Variants in RMI1 observed in about 807,000 individuals in gnomAD.
RMI1 encodes the protein RecQ mediated genome instability 1, also known as recQ-mediated genome instability protein 1.
Under a neutral mutation model 46.7 loss-of-function variants are expected in RMI1, and 36 were observed. That is an observed-to-expected ratio of 0.77 (90% CI 0.59 to 1.02). The LOEUF is 1.02. Ranked by LOEUF, RMI1 falls within the 50% of genes least tolerant of loss-of-function variation. The pLI, the probability that RMI1 is intolerant of heterozygous loss-of-function variation, is 0.00. For missense variants in RMI1, 676 were observed against 713.7 expected (o/e 0.95, Z 0.60); for synonymous variants, 250 against 252.9 (o/e 0.99, Z 0.11).
chr9:83,997,112 T>TC, intron 1 of RMI1, among the ~76,000 whole-genome samples: 1 of 141,506 alleles, frequency 7.1e-6, no homozygotes, highest in Non-Finnish European at 1.5e-5. Flanking sequence ...CCCCCCCTTT[T>TC]TTTTTTTTTT....
chr9:83,991,538 G>A (rs570256232), intron 1 of RMI1, among the ~76,000 whole-genome samples: 41 of 152,002 alleles, frequency 2.7e-4, no homozygotes, highest in Non-Finnish European at 5.3e-4. Context: ...GGTTGCTCCT[G>A]AACTTTTGTC....
At chr9:83,990,383 G>A (rs1443868277) in intron 1 of RMI1, among the ~76,000 whole-genome samples, 1 of 152,090 alleles carries the variant, frequency 6.6e-6, no homozygotes, top group Non-Finnish European at 1.5e-5. Flanking sequence ...GTGGTGGTAC[G>A]TGACTAGTCC....
rs1194429899 is a variant in RMI1, at chr9:84,002,585, G to C, written c.1599G>C (p.Lys533Asn). Residue 533 changes from lysine (K) to asparagine (N), a missense_variant, in exon 3 of 3, where the codon AAG (lysine) becomes AAC (asparagine). Lys to Asn is a moderately conservative substitution (Grantham distance 94). Coordinates refer to ENST00000445877, the MANE Select transcript of RMI1 (RefSeq NM_001358291.2). Reference protein sequence around the residue: ...SSGGIWSITAKVSDGTAYLDV... With the variant: ...SSGGIWSITANVSDGTAYLDV... Reference sequence around the variant, plus strand: ...GTGGTATTTGGAGTATAACTGCAAAGGTGTCTGATGGTACTGCATATCTAG... The same window carrying C: ...GTGGTATTTGGAGTATAACTGCAAACGTGTCTGATGGTACTGCATATCTAG... The C allele has an allele frequency of 6.2e-7, 1 of 1,613,932 alleles. No individual in the cohort carries two copies.
At position 84,002,687 on chromosome 9, in the gene RMI1, T is replaced by A; in HGVS notation, c.1701T>A (p.Asp567Glu). Residue 567 changes from aspartate to glutamate, a missense_variant, in exon 3 of 3, where the codon GAT (aspartate) becomes GAA (glutamate). Asp to Glu is a conservative substitution (Grantham distance 45). Coordinates refer to ENST00000445877, the MANE Select transcript of RMI1 (RefSeq NM_001358291.2). ...CAGAAATGAAACAGTCAAAAAAGGA[T>A]CCTCTTCAATACCAAAAGTTCCTGG... is the stretch of plus-strand genomic sequence containing the variant. The part of the protein sequence containing the change: ...SVPEMKQSKK[D>E]PLQYQKFLEG... 6.2e-7 allele frequency: 1 copy of A among 1,613,880 alleles called. No individual in the cohort carries two copies. The highest frequency in any genetic ancestry group is 1.3e-5 in the African/African-American group (1 of 75,014).
rs758329182 is a variant in RMI1, at chr9:84,002,597, T to C, written c.1611T>C (p.Gly537=). 6.2e-7 allele frequency: 1 copy of C among 1,613,992 alleles called. No individual in the cohort carries two copies. Among genetic ancestry groups the C allele is most frequent in the South Asian group, 1.1e-5 (1 of 91,078 alleles). ...GTATAACTGCAAAGGTGTCTGATGGTACTGCATATCTAGATGTAGACTTTG... is the reference window on the plus strand; with the variant it reads ...GTATAACTGCAAAGGTGTCTGATGGCACTGCATATCTAGATGTAGACTTTG... ...IWSITAKVSD[G]TAYLDVDFVD... The change falls in exon 3 of 3, where the codon GGT becomes GGC. Residue 537 remains glycine, a synonymous_variant. Transcript: ENST00000445877.
Position 84,001,475 on chromosome 9 carries a change from A to T in RMI1, c.489A>T (p.Pro163=). Residue 163 remains proline (P), a synonymous_variant, in exon 3 of 3, where the codon CCA becomes CCT. Coordinates refer to ENST00000445877, the MANE Select transcript of RMI1 (RefSeq NM_001358291.2). The part of the protein sequence containing the change: ...PIPILHSDLP[P]GTKILIYGNI... ...CAATTCTTCATAGTGATCTTCCTCC[A>T]GGTACAAAAATTTTGATTTATGGAA... The T allele has an allele frequency of 6.2e-7, 1 of 1,614,064 alleles. No homozygotes were observed.
At chr9:83,993,846 C>T (rs187441044) in intron 1 of RMI1, among the ~76,000 whole-genome samples, 4 of 152,000 alleles carry the variant, frequency 2.6e-5, no homozygotes, top group East Asian at 1.9e-4. Flanking sequence ...GGAGTGCAGT[C>T]GCACACTTAC....
intron 1 of RMI1, among the ~76,000 whole-genome samples, chr9:83,997,027 T>C (rs1175021542): frequency 6.8e-6 from 1 of 146,756 alleles, no homozygotes; most frequent in African/African-American, 2.5e-5. Context: ...GTTTTAAAGA[T>C]AGAGGTGGAT....
chr9:83,981,218 A>G (rs1271711049), intron 1 of RMI1, among the ~76,000 whole-genome samples: 1 of 152,218 alleles, frequency 6.6e-6, no homozygotes, highest in African/African-American at 2.4e-5. Flanking sequence ...GCGGTTTCAC[A>G]GGGCTCTCGG....
chr9:83,985,011 A>G (rs779464447), intron 1 of RMI1, among the ~76,000 whole-genome samples: 7 of 152,178 alleles, frequency 4.6e-5, no homozygotes, highest in Non-Finnish European at 1.0e-4. Context: ...AGCTGCTTCT[A>G]CCTGCTTGTG....
intron 1 of RMI1, among the ~76,000 whole-genome samples, chr9:83,992,229 C>T (rs959684996): frequency 1.6e-4 from 24 of 152,180 alleles, no homozygotes; most frequent in African/African-American, 5.3e-4. Context: ...CTGTTTTGTC[C>T]GTTGCTTGTG....
At chr9:83,990,217 T>A (rs1957549481) in intron 1 of RMI1, among the ~76,000 whole-genome samples, 2 of 152,126 alleles carry the variant, frequency 1.3e-5, no homozygotes, top group Non-Finnish European at 2.9e-5. Context: ...GGTCAATGGG[T>A]GTAAAAATAC....
rs963261289 is a variant in RMI1, at chr9:83,984,274, T to TG, written c.-126+3383_-126+3384insG. ...TGGATAATATGGTATGAACATACCT[T>TG]TTTTTTTTTTTTGAGACTGAGTTTC... On this transcript the variant is annotated intron_variant, in intron 1 of 2. Transcript: ENST00000445877. 1.3e-3 allele frequency among the ~76,000 whole-genome samples: 192 copies of TG among 150,082 alleles called. 2 individuals are homozygous for TG. The highest frequency in any genetic ancestry group is 1.8e-3 in the Non-Finnish European group (122 of 67,232).
intron 1 of RMI1, among the ~76,000 whole-genome samples, chr9:83,986,977 G>A (rs1564079241): frequency 6.6e-6 from 1 of 152,152 alleles, no homozygotes; most frequent in East Asian, 1.9e-4. Flanking sequence ...CCAGCACTGT[G>A]TTATTTAAAT....
In RMI1 at chr9:84,003,160, T is replaced by C. The variant is rs1957765131; in HGVS notation, c.*296T>C. On this transcript the variant is annotated 3_prime_UTR_variant, in exon 3 of 3. Transcript: ENST00000445877. ...TTGAGCTCAAGCGATCCTCCTGCCT[T>C]AGCCTCTTGAGTTGCTGGGACTATA... 2 of 206,358 alleles carry C rather than the reference T, an allele frequency of 9.7e-6. No homozygotes were observed. Among genetic ancestry groups the C allele is most frequent in the Non-Finnish European group, 2.1e-5 (2 of 94,224 alleles). The allele number at this position is 206,358 out of a possible 1,614,324, so 12.8% of individuals were successfully genotyped here.
chr9:83,987,918 G>A (rs1429970526), intron 1 of RMI1, among the ~76,000 whole-genome samples: 1 of 151,886 alleles, frequency 6.6e-6, no homozygotes, highest in Non-Finnish European at 1.5e-5. Flanking sequence ...CAGAGTCTCA[G>A]TCTGTCACTC....
Position 84,001,318 on chromosome 9 carries a change from C to A in RMI1, c.332C>A (p.Thr111Lys), listed in dbSNP as rs1191150709. ...SQIQKLRGKN[T>K]TNDLVTAEAQ... ...ATACAGAAGTTGAGAGGAAAGAATA[C>A]AACAAATGATCTAGTTACAGCTGAA... The change falls in exon 3 of 3, where the codon ACA becomes AAA. Residue 111 changes from threonine to lysine, a missense_variant. Physicochemically the swap from Thr to Lys is moderately conservative, Grantham distance 78. Transcript: ENST00000445877. 3.7e-6 allele frequency: 6 copies of A among 1,614,096 alleles called. No homozygotes were observed. The highest frequency in any genetic ancestry group is 5.1e-6 in the Non-Finnish European group (6 of 1,179,994).
intron 1 of RMI1, among the ~76,000 whole-genome samples, chr9:83,996,535 G>A (rs887068195): frequency 2.0e-5 from 3 of 152,172 alleles, no homozygotes; most frequent in Non-Finnish European, 2.9e-5. Context: ...GTTATTGAGT[G>A]TAGCTAAATA....
chr9:83,995,096 T>G (rs552283024), intron 1 of RMI1, among the ~76,000 whole-genome samples: 1 of 152,172 alleles, frequency 6.6e-6, no homozygotes, highest in South Asian at 2.1e-4. Flanking sequence ...GCCTCCCAGA[T>G]TCAAGCCATT....
Sources: allele counts gnomAD v4.1 joint callset (sites outside exome capture counted in the v4.1 genomes callset), GRCh38; gene constraint gnomAD v4.1.1; transcripts MANE v1.5; gene names NCBI Gene and HGNC (gene_info 2026-07-23, HGNC 2026-07-21).